Variants in ESRRG observed in about 807,000 individuals in gnomAD.
ESRRG encodes the protein estrogen related receptor gamma, also known as estrogen-related receptor gamma.
In ESRRG, 13 loss-of-function variants were observed where a neutral mutation model predicts 44.0. That is an observed-to-expected ratio of 0.30 (90% CI 0.19 to 0.47). The LOEUF is 0.47. Among genes scored for constraint, ESRRG ranks in the 20% least tolerant of loss-of-function variants. The pLI is 1.00. For missense variants in ESRRG, 395 were observed against 580.6 expected (o/e 0.68, Z 3.29); for synonymous variants, 215 against 214.6 (o/e 1.00, Z -0.02).
At chr1:217,067,313 T>A (rs1442736272) in intron 1 of ESRRG, among the ~76,000 whole-genome samples, 1 of 152,184 alleles carries the variant, frequency 6.6e-6, no homozygotes, top group Non-Finnish European at 1.5e-5. Context: ...TATTAAATAA[T>A]CCAATGGAGG....
chr1:216,821,709 T>A (rs199771336), intron 2 of ESRRG, among the ~76,000 whole-genome samples: 8,440 of 92,790 alleles, frequency 0.091, 1,047 homozygotes, highest in Non-Finnish European at 0.14. Context: ...AATAAATAAA[T>A]AAATAAATAA....
In ESRRG at chr1:216,987,385, C is replaced by T. The variant is rs537496739; in HGVS notation, c.-105-47712G>A. On this transcript the variant is annotated intron_variant, in intron 1 of 7. Transcript: ENST00000359162. ...TCCAAGGGGAGAACAGTCATTGCTGCTGCCTGGTTCAGCTTCCCTCTCCTG... is the reference window on the plus strand; with the variant it reads ...TCCAAGGGGAGAACAGTCATTGCTGTTGCCTGGTTCAGCTTCCCTCTCCTG... Among the ~76,000 whole-genome samples, 8 of 152,322 alleles carry T rather than the reference C, an allele frequency of 5.3e-5. No homozygotes were observed. The South Asian group carries it at 1.2e-3, about 24-fold the overall frequency.
At chr1:216,606,888 C>T (rs768302463) in intron 3 of ESRRG, among the ~76,000 whole-genome samples, 12 of 152,104 alleles carry the variant, frequency 7.9e-5, no homozygotes, top group Non-Finnish European at 2.9e-5. Context: ...CATGTGTCTA[C>T]ATAACTGCAC....
At chr1:217,017,233 A>T (rs1017762255) in intron 1 of ESRRG, among the ~76,000 whole-genome samples, 17 of 152,168 alleles carry the variant, frequency 1.1e-4, no homozygotes, top group African/African-American at 4.1e-4. Flanking sequence ...TCTTTTCACT[A>T]CAGCTTCTAC....
Position 216,802,125 on chromosome 1 carries a change from A to G in ESRRG, c.-13-124634T>C, listed in dbSNP as rs11572596. ...CCCCAAAGAGCAAACCATCCAGTGT[A>G]GTGACTGCAGAAGCATCAAACTAGG... On this transcript the variant is annotated intron_variant, in intron 2 of 7. Coordinates refer to the ESRRG transcript ENST00000359162. Among the ~76,000 whole-genome samples, 184 of 152,266 alleles carry G rather than the reference A, an allele frequency of 1.2e-3. 1 individual carries two copies. In the East Asian group the frequency reaches 0.02, roughly 17 times the overall value.
chr1:217,064,756 C>T (rs972102359), intron 1 of ESRRG, among the ~76,000 whole-genome samples: 3 of 152,142 alleles, frequency 2.0e-5, no homozygotes, highest in African/African-American at 7.2e-5. Flanking sequence ...GAGAAGCCCG[C>T]TATGAGTAAA....
chr1:217,135,898 T>A (rs1244968780), intron 1 of ESRRG, among the ~76,000 whole-genome samples: 2 of 152,182 alleles, frequency 1.3e-5, no homozygotes, highest in Non-Finnish European at 2.9e-5. Context: ...GGAGCAGGCG[T>A]GCATTTTGCT....
intron 1 of ESRRG, among the ~76,000 whole-genome samples, chr1:216,704,586 T>A (rs914717975): frequency 5.9e-5 from 9 of 152,120 alleles, no homozygotes; most frequent in Non-Finnish European, 5.9e-5. Context: ...AAACATCACA[T>A]GCCTTTCTGT....
chr1:216,869,268 G>T (rs1243664303), intron 2 of ESRRG, among the ~76,000 whole-genome samples: 1 of 151,994 alleles, frequency 6.6e-6, no homozygotes, highest in East Asian at 1.9e-4. Flanking sequence ...TTTAGGTGAA[G>T]GTTTAACTTT....
intron 1 of ESRRG, among the ~76,000 whole-genome samples, chr1:217,083,328 C>T (rs533404441): frequency 6.6e-6 from 1 of 152,322 alleles, no homozygotes; most frequent in Admixed American, 6.5e-5. Context: ...AGCTCATTTA[C>T]TACTCGGTAT....
chr1:216,856,876 C>T (rs1276043966), intron 2 of ESRRG, among the ~76,000 whole-genome samples: 1 of 152,182 alleles, frequency 6.6e-6, no homozygotes, highest in African/African-American at 2.4e-5. Context: ...GTTGAGCCCT[C>T]ATCCATACTT....
At chr1:216,687,566 C>G (rs1215106924) in intron 1 of ESRRG, among the ~76,000 whole-genome samples, 1 of 152,080 alleles carries the variant, frequency 6.6e-6, no homozygotes, top group Non-Finnish European at 1.5e-5. Context: ...AGTACTTGGC[C>G]CCTAAGCTTG....
At chr1:216,786,942 T>C (rs2094146647) in intron 2 of ESRRG, among the ~76,000 whole-genome samples, 1 of 152,166 alleles carries the variant, frequency 6.6e-6, no homozygotes, top group Admixed American at 6.6e-5. Context: ...TTTATTGCAC[T>C]TCACTTTACA....
intron 3 of ESRRG, among the ~76,000 whole-genome samples, chr1:216,618,838 A>G (rs2061777487): frequency 6.6e-6 from 1 of 152,246 alleles, no homozygotes; most frequent in African/African-American, 2.4e-5. Context: ...AAAGAGAGAT[A>G]TATGTAGGCA....
At position 216,763,718 on chromosome 1, in the gene ESRRG, A is replaced by ATACAG. The variant is rs375136363; in HGVS notation, c.-13-86228_-13-86227insCTGTA. Among the ~76,000 whole-genome samples the ATACAG allele has an allele frequency of 2.3e-3, 344 of 152,274 alleles. 2 individuals carry two copies. The highest frequency in any genetic ancestry group is 8.0e-3 in the African/African-American group (333 of 41,558). ...GTTTTCACTGTGCATGGGCAGTCACATGAAGAGAGCAAAGGTTTTGGATCC... is the reference window on the plus strand; with the variant it reads ...GTTTTCACTGTGCATGGGCAGTCACATACAGTGAAGAGAGCAAAGGTTTTGGATCC... On this transcript the variant is annotated intron_variant, in intron 2 of 7. Coordinates refer to the ESRRG transcript ENST00000359162.
chr1:217,083,409 G>A (rs2091896777), intron 1 of ESRRG, among the ~76,000 whole-genome samples: 1 of 152,172 alleles, frequency 6.6e-6, no homozygotes, highest in African/African-American at 2.4e-5. Context: ...GAAATAAATA[G>A]GCTTATGATT....
chr1:216,685,415 T>G (rs1200032042), intron 1 of ESRRG, among the ~76,000 whole-genome samples: 1 of 152,194 alleles, frequency 6.6e-6, no homozygotes, highest in African/African-American at 2.4e-5. Context: ...TCTCTGGTCT[T>G]TCAAACAGAA....
At chr1:217,008,208 T>C (rs1445590002) in intron 1 of ESRRG, among the ~76,000 whole-genome samples, 1 of 152,232 alleles carries the variant, frequency 6.6e-6, no homozygotes, top group Non-Finnish European at 1.5e-5. Context: ...GCAACGTAAC[T>C]ATTATTCTCC....
intron 6 of ESRRG, among the ~76,000 whole-genome samples, chr1:216,509,183 G>C (rs1435436393): frequency 6.6e-6 from 1 of 152,164 alleles, no homozygotes; most frequent in Non-Finnish European, 1.5e-5. Context: ...CAATAATGCT[G>C]CTAGAATGTA....
Sources: gnomAD v4.1 joint callset for allele counts (sites outside exome capture counted in the v4.1 genomes callset) on GRCh38, gnomAD v4.1.1 for gene constraint, MANE v1.5 for transcripts, NCBI Gene and HGNC (gene_info 2026-07-23, HGNC 2026-07-21) for gene names.